CSNK1G2: variants seen among roughly 807,000 people sequenced by gnomAD.
The protein encoded by CSNK1G2 is casein kinase 1 gamma 2.
In CSNK1G2, 11 loss-of-function variants were observed where a neutral mutation model predicts 48.0. The ratio of observed to expected loss-of-function variants is 0.23; its 90% CI spans 0.14 to 0.38. CSNK1G2 has a LOEUF of 0.38. Ranked by LOEUF, CSNK1G2 falls within the 10% of genes least tolerant of loss-of-function variation. The pLI, the probability that CSNK1G2 is intolerant of heterozygous loss-of-function variation, is 1.00. For missense variants in CSNK1G2, 446 were observed against 595.5 expected (o/e 0.75, Z 2.61); for synonymous variants, 337 against 254.1 (o/e 1.33, Z -3.10).
rs762967432 is a variant in CSNK1G2, at chr19:1,978,598, G to C, written c.299-4G>C. 1 of 1,590,456 alleles carries C rather than the reference G, an allele frequency of 6.3e-7. No individual in the cohort carries two copies. The highest frequency in any genetic ancestry group is 1.3e-5 in the African/African-American group (1 of 74,496). The stretch of plus-strand genomic sequence containing the variant: ...CACGCCCGTGCGTCTGTCCTCCGCC[G>C]CAGAGGGCGTCCCTCAGGTCTACTA... On this transcript the variant is annotated splice_polypyrimidine_tract_variant and splice_region_variant and intron_variant, in intron 4 of 11. Transcript: ENST00000255641. The surrounding 1 kb of genome is among the most constrained non-coding windows in gnomAD (Gnocchi z 7.3).
intron 2 of CSNK1G2, among the ~76,000 whole-genome samples, chr19:1,974,445 G>A (rs770774994): frequency 1.3e-5 from 2 of 152,166 alleles, no homozygotes; most frequent in African/African-American, 2.4e-5. Context: ...CCCAGCCCCA[G>A]CAGTGCTGGA....
chr19:1,954,141 C>T (rs1045090042), intron 1 of CSNK1G2: 7 of 433,640 alleles, frequency 1.6e-5, no homozygotes, highest in African/African-American at 1.4e-4. Flanking sequence ...AAACCCATTA[C>T]CGGCCTAGGT....
chr19:1,979,293 G>A, intron 7 of CSNK1G2, 26 bp from the exon 8 acceptor site: 1 of 1,583,266 alleles, frequency 6.3e-7, no homozygotes, highest in Non-Finnish European at 8.6e-7. Context: ...CAGGGCGGGA[G>A]CAAGGCTGAC....
At position 1,941,413 on chromosome 19, in the gene CSNK1G2, G is replaced by A. The variant is rs926666802; in HGVS notation, c.-271G>A. The A allele has an allele frequency of 6.7e-6, 1 of 148,924 alleles. No individual in the cohort carries two copies. The highest frequency in any genetic ancestry group is 1.5e-5 in the Non-Finnish European group (1 of 66,738). The allele number at this position is 148,924 out of a possible 1,614,324, so 9.2% of individuals were successfully genotyped here. A position where few individuals can be genotyped will look rare whatever the true frequency, so the allele number is the denominator to read the frequency against. The stretch of plus-strand genomic sequence containing the variant: ...TGCCCGCGGGCCCGGCCACGGCGGA[G>A]CCAAGGTAACGACGCGCGCGCCCGC... On this transcript the variant is annotated 5_prime_UTR_variant, in exon 1 of 12. Coordinates refer to ENST00000255641, the MANE Select transcript of CSNK1G2 (RefSeq NM_001319.7).
chr19:1,966,193 T>G (rs1175745422), intron 1 of CSNK1G2, among the ~76,000 whole-genome samples: 2 of 151,934 alleles, frequency 1.3e-5, no homozygotes, highest in African/African-American at 2.4e-5. Context: ...GGAAATTGGG[T>G]AAATTGAAAC....
At chr19:1,955,905 C>T (rs4807178) in intron 1 of CSNK1G2, among the ~76,000 whole-genome samples, 3,180 of 152,316 alleles carry the variant, frequency 0.021, 92 homozygotes, top group East Asian at 0.073. Flanking sequence ...GAGAAAGTAG[C>T]AACCCCAACC....
In CSNK1G2 at chr19:1,979,616, T is replaced by C; in HGVS notation, c.975T>C (p.Tyr325=). The C allele has an allele frequency of 1.9e-6, 3 of 1,605,416 alleles. No homozygotes were observed. The highest frequency in any genetic ancestry group is 2.5e-6 in the Non-Finnish European group (3 of 1,179,848). Residue 325 remains tyrosine, a synonymous_variant, in exon 9 of 12, where the codon TAT becomes TAC. Coordinates refer to ENST00000255641, the MANE Select transcript of CSNK1G2 (RefSeq NM_001319.7). ...ACCGCAGTGGCTTCGTGTTCGACTATGAGTACGACTGGGCCGGGAAGCCCC... is the reference window on the plus strand; with the variant it reads ...ACCGCAGTGGCTTCGTGTTCGACTACGAGTACGACTGGGCCGGGAAGCCCC... The part of the protein sequence containing the change: ...LFDRSGFVFD[Y]EYDWAGKPLP...
chr19:1,944,236 C>T (rs2014471238), intron 1 of CSNK1G2, among the ~76,000 whole-genome samples: 1 of 152,136 alleles, frequency 6.6e-6, no homozygotes, highest in African/African-American at 2.4e-5. Flanking sequence ...AAATGCTCCG[C>T]CGGCAGCCAC....
intron 1 of CSNK1G2, among the ~76,000 whole-genome samples, chr19:1,945,777 G>C (rs1397886050): frequency 6.7e-6 from 1 of 149,652 alleles, no homozygotes; most frequent in Non-Finnish European, 1.5e-5. Flanking sequence ...AGCCAGGATC[G>C]CGCCACTGCA....
intron 1 of CSNK1G2, among the ~76,000 whole-genome samples, chr19:1,947,453 C>T (rs1488133253): frequency 6.6e-6 from 1 of 152,234 alleles, no homozygotes; most frequent in African/African-American, 2.4e-5. Context: ...GCAGTTGTGC[C>T]CCTCGGGCTT....
intron 10 of CSNK1G2, 31 bp from the exon 11 acceptor site, chr19:1,979,880 G>A: frequency 1.9e-6 from 3 of 1,604,296 alleles, no homozygotes; most frequent in Non-Finnish European, 1.7e-6. Flanking sequence ...GGGCATGGGC[G>A]GCCAGCGTGA....
At chr19:1,947,481 G>A (rs2014604579) in intron 1 of CSNK1G2, among the ~76,000 whole-genome samples, 1 of 152,250 alleles carries the variant, frequency 6.6e-6, no homozygotes, top group African/African-American at 2.4e-5. Flanking sequence ...AGTGGTCCTG[G>A]GGCAGGGCAG....
At chr19:1,971,936 ATAT>A (rs1367605570) in intron 2 of CSNK1G2, among the ~76,000 whole-genome samples, 1 of 152,038 alleles carries the variant, frequency 6.6e-6, no homozygotes, top group African/African-American at 2.4e-5. Flanking sequence ...CACCCGGCTA[ATAT>A]TTTGTATTTT....
chr19:1,941,961 C>T (rs1411955044), intron 1 of CSNK1G2, among the ~76,000 whole-genome samples: 2 of 152,066 alleles, frequency 1.3e-5, no homozygotes, highest in African/African-American at 4.8e-5. Flanking sequence ...CCCACCTGGC[C>T]CCATCGCCTC....
rs900814958 is a variant in CSNK1G2 at position 1,978,363 on chromosome 19, C to T, written c.228+18C>T. On this transcript the variant is annotated intron_variant, in intron 3 of 11. Transcript: ENST00000255641. This position sits in a 1 kb window ranked among gnomAD's most constrained non-coding sequence, Gnocchi z 7.3. ...TCAAATTGGTGAGTCGGCCCCTCCA[C>T]CCCACCCCCGCTGACGTGCCCCCCA... 1.1e-5 allele frequency: 17 copies of T among 1,612,688 alleles called. No homozygotes were observed. The highest frequency in any genetic ancestry group is 8.3e-5 in the Admixed American group (5 of 59,994).
In CSNK1G2 at chr19:1,941,195, C is replaced by G. The variant is rs2014342411; in HGVS notation, c.-489C>G. The G allele has an allele frequency of 1.4e-5, 2 of 146,244 alleles. No homozygotes were observed. Among genetic ancestry groups the G allele is most frequent in the South Asian group, 2.1e-4 (1 of 4,830 alleles). The allele number at this position is 146,244 out of a possible 1,614,324, so 9.1% of individuals were successfully genotyped here. A position where few individuals can be genotyped will look rare whatever the true frequency, so the allele number is the denominator to read the frequency against. On this transcript the variant is annotated 5_prime_UTR_variant, in exon 1 of 12. Transcript: ENST00000255641. ...GCAGACGCTGGCGGCGTAAGGCGCG[C>G]GGGCCCCGGAGCGGGCGCGGCGGAG...
At chr19:1,967,203 A>G (rs926667655) in intron 1 of CSNK1G2, among the ~76,000 whole-genome samples, 2 of 152,164 alleles carry the variant, frequency 1.3e-5, no homozygotes, top group African/African-American at 4.8e-5. Flanking sequence ...TGGCACCGGA[A>G]CGCAGGGGCC....
intron 1 of CSNK1G2, chr19:1,954,086 C>A: frequency 6.1e-6 from 3 of 494,192 alleles, no homozygotes; most frequent in Non-Finnish European, 1.3e-5. Context: ...GGCTTCCCTC[C>A]TCTCCCTGAT....
intron 1 of CSNK1G2, among the ~76,000 whole-genome samples, chr19:1,947,508 G>C (rs2014605329): frequency 6.6e-6 from 1 of 152,248 alleles, no homozygotes; most frequent in African/African-American, 2.4e-5. Flanking sequence ...CTGATGCCCA[G>C]GCTCTGCCTG....
Sources: allele counts gnomAD v4.1 joint callset (sites outside exome capture counted in the v4.1 genomes callset), GRCh38; gene constraint gnomAD v4.1.1; non-coding constraint Gnocchi (gnomAD v3.1); transcripts MANE v1.5; gene names NCBI Gene and HGNC (gene_info 2026-07-23, HGNC 2026-07-21).